Variants in FER observed in about 807,000 individuals in gnomAD.
FER encodes the protein tyrosine-protein kinase Fer.
Under a neutral mutation model 111.0 loss-of-function variants are expected in FER, and 63 were observed. The observed-to-expected ratio is 0.57, with a 90% CI of 0.46 to 0.70. The LOEUF is 0.70. Among genes scored for constraint, FER ranks in the 30% least tolerant of loss-of-function variants. FER has a pLI of 0.00. For synonymous variants in FER, 327 were observed against 313.9 expected, an observed-to-expected ratio of 1.04 and a Z score of -0.44; for missense variants, 914 against 954.0, an observed-to-expected ratio of 0.96 and a Z score of 0.55.
At chr5:109,082,938 G>A (rs888369054) in intron 16 of FER, among the ~76,000 whole-genome samples, 1 of 151,932 alleles carries the variant, frequency 6.6e-6, no homozygotes, top group Middle Eastern at 3.4e-3. Flanking sequence ...TATTCTAAAT[G>A]CTAAGCAAGA....
At chr5:109,044,526 G>C (rs1771666298) in intron 14 of FER, among the ~76,000 whole-genome samples, 154 bp from the exon 15 acceptor site, 1 of 152,086 alleles carries the variant, frequency 6.6e-6, no homozygotes, top group Non-Finnish European at 1.5e-5. Context: ...ATAGAGTAAA[G>C]TTAGAAGTTC....
At chr5:109,045,759 T>C (rs1030660574) in intron 15 of FER, among the ~76,000 whole-genome samples, 14 of 152,210 alleles carry the variant, frequency 9.2e-5, no homozygotes, top group African/African-American at 3.1e-4. Context: ...ATGGGAGGCC[T>C]GGAAAGTCCT....
At chr5:108,800,916 G>A (rs937767852) in intron 3 of FER, among the ~76,000 whole-genome samples, 7 of 152,094 alleles carry the variant, frequency 4.6e-5, no homozygotes, top group Non-Finnish European at 8.8e-5. Context: ...GCGTGGTGGC[G>A]AGTGCCTGTA....
At chr5:109,097,928 A>G (rs920303676) in intron 16 of FER, among the ~76,000 whole-genome samples, 1 of 151,828 alleles carries the variant, frequency 6.6e-6, no homozygotes, top group African/African-American at 2.4e-5. Context: ...GAATGGTGGA[A>G]TTGTGTTCCT....
intron 13 of FER, among the ~76,000 whole-genome samples, chr5:108,973,809 G>GT (rs1341289779): frequency 2.0e-5 from 3 of 152,022 alleles, no homozygotes; most frequent in African/African-American, 7.2e-5. Flanking sequence ...TAGTAATGCT[G>GT]TATTCTCTTT....
At chr5:108,991,277 T>A (rs1223881383) in intron 13 of FER, among the ~76,000 whole-genome samples, 7 of 151,986 alleles carry the variant, frequency 4.6e-5, no homozygotes, top group Non-Finnish European at 1.0e-4. Context: ...GATAATGCAA[T>A]TAATTGAATT....
chr5:108,786,822 C>G lies in FER; in HGVS notation c.-59-11302C>G, dbSNP rs1295636697. 2.6e-5 allele frequency among the ~76,000 whole-genome samples: 4 copies of G among 152,100 alleles called. No homozygotes were observed. In the East Asian group the frequency reaches 7.7e-4, roughly 29 times the overall value. On this transcript the variant is annotated intron_variant, in intron 2 of 19. Coordinates refer to ENST00000281092, the MANE Select transcript of FER (RefSeq NM_005246.4). The stretch of plus-strand genomic sequence containing the variant: ...GCCAAATTTTTGTTTTTTCTTAAAC[C>G]CTATTTTTTTTCACTATTGTCAGTA...
chr5:109,065,058 A>G (rs1467320978), intron 16 of FER, among the ~76,000 whole-genome samples: 3 of 152,210 alleles, frequency 2.0e-5, no homozygotes, highest in Non-Finnish European at 2.9e-5. Context: ...GGTGAATTCA[A>G]TTGAAATAAA....
At chr5:108,893,817 C>A (rs779077099) in intron 9 of FER, among the ~76,000 whole-genome samples, 2 of 151,924 alleles carry the variant, frequency 1.3e-5, no homozygotes, top group African/African-American at 2.4e-5. Flanking sequence ...AATGAATAGT[C>A]GTCTTTTAAA....
intron 17 of FER, 103 bp from the exon 18 acceptor site, chr5:109,180,644 A>G: frequency 7.8e-7 from 1 of 1,281,054 alleles, no homozygotes; most frequent in South Asian, 1.5e-5. Context: ...ACCTCATTAT[A>G]AATACATTGC....
chr5:108,850,001 C>A (rs1762397909), intron 5 of FER, among the ~76,000 whole-genome samples: 1 of 152,000 alleles, frequency 6.6e-6, no homozygotes, highest in African/African-American at 2.4e-5. Flanking sequence ...ACCAGCCTGG[C>A]CAACATTGTG....
chr5:109,016,059 C>A (rs1767070235), intron 13 of FER, among the ~76,000 whole-genome samples: 1 of 152,088 alleles, frequency 6.6e-6, no homozygotes, highest in Non-Finnish European at 1.5e-5. Flanking sequence ...AACAAAGGCA[C>A]CAGGAGCTGA....
intron 13 of FER, among the ~76,000 whole-genome samples, chr5:109,013,650 GC>G (rs1169763351): frequency 6.6e-6 from 1 of 151,560 alleles, no homozygotes; most frequent in African/African-American, 2.4e-5. Flanking sequence ...CTGAGGAATC[GC>G]CACACTGACT....
intron 16 of FER, among the ~76,000 whole-genome samples, chr5:109,073,076 A>G (rs545378614): frequency 3.9e-5 from 6 of 152,286 alleles, no homozygotes; most frequent in African/African-American, 1.4e-4. Flanking sequence ...ATGAGTAATT[A>G]CATCTGCAGA....
rs542226906 is a variant in FER at position 109,008,762 on chromosome 5, G to C, written c.1657-28660G>C. Among the ~76,000 whole-genome samples, 3 of 152,158 alleles carry C rather than the reference G, an allele frequency of 2.0e-5. No homozygotes were observed. In the East Asian group the frequency reaches 5.8e-4, roughly 30 times the overall value. ...TTGGGAGGCCGAGGCGGGCAGATCA[G>C]GAGTTTGAGACCAGCCTGACCAACA... On this transcript the variant is annotated intron_variant, in intron 13 of 19. Transcript: ENST00000281092.
chr5:108,892,481 G>A (rs1167428148), intron 9 of FER, among the ~76,000 whole-genome samples: 1 of 152,142 alleles, frequency 6.6e-6, no homozygotes, highest in Non-Finnish European at 1.5e-5. Context: ...AGAAGTGTCT[G>A]TTCATATCCT....
intron 17 of FER, among the ~76,000 whole-genome samples, chr5:109,167,697 T>A (rs1003223870): frequency 1.3e-5 from 2 of 152,130 alleles, no homozygotes; most frequent in African/African-American, 4.8e-5. Flanking sequence ...GAGTTAACAA[T>A]GAATGCAACT....
intron 10 of FER, among the ~76,000 whole-genome samples, chr5:108,904,926 C>T (rs1389715205): frequency 1.3e-5 from 2 of 152,014 alleles, no homozygotes; most frequent in Non-Finnish European, 2.9e-5. Context: ...TTATTAAATT[C>T]TTCTATGGCT....
At chr5:109,187,226 C>G (rs1758976815) in intron 19 of FER, among the ~76,000 whole-genome samples, 1 of 152,158 alleles carries the variant, frequency 6.6e-6, no homozygotes, top group African/African-American at 2.4e-5. Context: ...AAAAAATGTT[C>G]TTTGAATTAG....
Sources: allele counts gnomAD v4.1 joint callset (sites outside exome capture counted in the v4.1 genomes callset), GRCh38; gene constraint gnomAD v4.1.1; transcripts MANE v1.5; gene names NCBI Gene and HGNC (gene_info 2026-07-23, HGNC 2026-07-21).